Variants in TRIO observed in about 807,000 individuals in gnomAD.
TRIO encodes trio Rho guanine nucleotide exchange factor, also known as triple functional domain protein.
TRIO carries 58 observed loss-of-function variants against 351.9 expected under a neutral mutation model. The observed-to-expected ratio is 0.16, with a 90% confidence interval of 0.13 to 0.21. The LOEUF (loss-of-function observed/expected upper bound fraction) is 0.21, where lower values mean the gene tolerates loss of function less well. Ranked by LOEUF, TRIO falls within the 10% of genes least tolerant of loss-of-function variation. The pLI is 1.00. For synonymous variants in TRIO, 1,758 were observed against 1,595.7 expected (o/e 1.10, Z -2.42); for missense variants, 3,201 against 4,027.8 (o/e 0.79, Z 5.56).
chr5:14,495,224 G>A (rs1169087761), intron 49 of TRIO, among the ~76,000 whole-genome samples: 2 of 152,214 alleles, frequency 1.3e-5, no homozygotes, highest in Non-Finnish European at 2.9e-5. Flanking sequence ...CTGAAGAGCT[G>A]CAATCTCCTC....
chr5:14,166,592 C>A (rs164522), intron 1 of TRIO, among the ~76,000 whole-genome samples: 1 of 152,060 alleles, frequency 6.6e-6, no homozygotes, highest in Admixed American at 6.5e-5. Context: ...CCTACTCATC[C>A]CTCTGCCCCG....
chr5:14,269,887 G>A (rs1226775410), intron 1 of TRIO, among the ~76,000 whole-genome samples: 1 of 152,140 alleles, frequency 6.6e-6, no homozygotes, highest in Non-Finnish European at 1.5e-5. Flanking sequence ...GTGGTGTTTT[G>A]TTTTTTCCTA....
At chr5:14,489,649 T>C (rs1027640740) in intron 48 of TRIO, among the ~76,000 whole-genome samples, 1 of 152,228 alleles carries the variant, frequency 6.6e-6, no homozygotes, top group Non-Finnish European at 1.5e-5. Flanking sequence ...TTTCAGAGTC[T>C]GTGTTTCAAA....
intron 9 of TRIO, among the ~76,000 whole-genome samples, chr5:14,318,736 T>G (rs754955543): frequency 1.3e-5 from 2 of 152,220 alleles, no homozygotes; most frequent in Admixed American, 1.3e-4. Flanking sequence ...ATAATCGTGT[T>G]TTTGAATTGT....
intron 1 of TRIO, among the ~76,000 whole-genome samples, chr5:14,231,565 G>A (rs538061439): frequency 1.3e-5 from 2 of 152,140 alleles, no homozygotes; most frequent in East Asian, 1.9e-4. Context: ...TCCTTAGCAC[G>A]TTCATTGCTA....
intron 1 of TRIO, among the ~76,000 whole-genome samples, chr5:14,224,928 G>A (rs1299718874): frequency 6.7e-6 from 1 of 150,302 alleles, no homozygotes; most frequent in African/African-American, 2.5e-5. Context: ...AAAAATTAAA[G>A]GCTGTTTGGT....
rs1390292558 is a variant in TRIO at position 14,369,409 on chromosome 5, C to T, written c.3102C>T (p.Tyr1034=). ...TCCTCGAGAGCCTGGAACAGGAGTA[C>T]AAGAGAGAAGAAGACTGGTGTGGCG... is the stretch of plus-strand genomic sequence containing the variant. ...CSVLESLEQE[Y]KREEDWCGGA... Residue 1034 remains tyrosine (Y), a synonymous_variant, in exon 18 of 57, where the codon TAC becomes TAT. Transcript: ENST00000344204. 3.1e-6 allele frequency: 5 copies of T among 1,614,092 alleles called. No individual in the cohort carries two copies. In the East Asian group the frequency reaches 6.7e-5, roughly 22 times the overall value.
chr5:14,291,946 A>G (rs1210115624), intron 5 of TRIO, among the ~76,000 whole-genome samples: 1 of 152,158 alleles, frequency 6.6e-6, no homozygotes, highest in Non-Finnish European at 1.5e-5. Flanking sequence ...AATCACCTCT[A>G]GTCTCATGTT....
At chr5:14,336,876 G>A in intron 11 of TRIO, 149 bp downstream of exon 11, 2 of 845,052 alleles carry the variant, frequency 2.4e-6, no homozygotes, top group Non-Finnish European at 3.7e-6. Context: ...GTGTCTGCGT[G>A]GACAGGGAAA....
intron 54 of TRIO, among the ~76,000 whole-genome samples, chr5:14,503,283 G>A (rs1173665542): frequency 2.0e-5 from 3 of 152,226 alleles, no homozygotes; most frequent in Non-Finnish European, 4.4e-5. Context: ...AACTCCCCCA[G>A]AAACTCCAGC....
chr5:14,503,191 C>T (rs954570670), intron 54 of TRIO, among the ~76,000 whole-genome samples: 1 of 152,256 alleles, frequency 6.6e-6, no homozygotes, highest in African/African-American at 2.4e-5. Context: ...CCACACAGCA[C>T]ACACATTCAG....
intron 20 of TRIO, 127 bp from the exon 21 acceptor site, chr5:14,381,003 G>T (rs2152353961): frequency 1.6e-6 from 2 of 1,283,682 alleles, no homozygotes; most frequent in Non-Finnish European, 1.0e-6. Context: ...TGCCTCTCTG[G>T]GAGGGAATGC....
chr5:14,228,024 G>T (rs533448392), intron 1 of TRIO, among the ~76,000 whole-genome samples: 1 of 152,204 alleles, frequency 6.6e-6, no homozygotes, highest in African/African-American at 2.4e-5. Flanking sequence ...CTTTTGGGGG[G>T]ATTCAGAGGG....
At chr5:14,469,213 G>T (rs1031101192) in intron 37 of TRIO, among the ~76,000 whole-genome samples, 2 of 152,154 alleles carry the variant, frequency 1.3e-5, no homozygotes, top group East Asian at 3.8e-4. Flanking sequence ...AAATTAATGA[G>T]CTGGAAAACG....
chr5:14,170,931 A>G (rs1789063566), intron 1 of TRIO, among the ~76,000 whole-genome samples: 1 of 152,244 alleles, frequency 6.6e-6, no homozygotes, highest in Admixed American at 6.5e-5. Context: ...TTAACTTAAT[A>G]TACAATTTCA....
chr5:14,450,212 G>A (rs1752756602), intron 34 of TRIO, among the ~76,000 whole-genome samples: 2 of 152,318 alleles, frequency 1.3e-5, no homozygotes, highest in South Asian at 2.1e-4. Flanking sequence ...TGGTGATGAG[G>A]CCATTCTCTT....
chr5:14,153,995 T>C (rs969218307), intron 1 of TRIO, among the ~76,000 whole-genome samples: 2 of 152,336 alleles, frequency 1.3e-5, no homozygotes, highest in East Asian at 1.9e-4. Flanking sequence ...TCTGTGCCTT[T>C]CCTCTTCTCA....
intron 27 of TRIO, among the ~76,000 whole-genome samples, chr5:14,393,829 A>C (rs1393357349): frequency 6.6e-6 from 1 of 152,242 alleles, no homozygotes; most frequent in Non-Finnish European, 1.5e-5. Context: ...CCTGCTCCAA[A>C]GTACCCCTTC....
chr5:14,397,503 T>C (rs1226361097), intron 29 of TRIO, among the ~76,000 whole-genome samples: 1 of 152,168 alleles, frequency 6.6e-6, no homozygotes, highest in African/African-American at 2.4e-5. Flanking sequence ...CTTAAAAGAA[T>C]GTGTTGCTTC....
Sources: gnomAD v4.1 joint callset for allele counts (sites outside exome capture counted in the v4.1 genomes callset) on GRCh38, gnomAD v4.1.1 for gene constraint, MANE v1.5 for transcripts, NCBI Gene and HGNC (gene_info 2026-07-23, HGNC 2026-07-21) for gene names.